The following PXDNL variants were observed in gnomAD, a reference collection of about 807,000 sequenced individuals.
PXDNL encodes the protein probable oxidoreductase PXDNL.
Under a neutral mutation model 150.8 loss-of-function variants are expected in PXDNL, and 145 were observed. That is an observed-to-expected ratio of 0.96 (90% CI 0.84 to 1.10). The LOEUF is 1.10. Among genes scored for constraint, PXDNL ranks in the 50% least tolerant of loss-of-function variants. The probability of loss-of-function intolerance (pLI) is 0.00; values close to 1 mark genes in which losing one functional copy is unlikely to be tolerated. For missense variants in PXDNL, 2,087 were observed against 1,873.9 expected (o/e 1.11, Z -2.10); for synonymous variants, 757 against 725.7 (o/e 1.04, Z -0.69).
intron 1 of PXDNL, among the ~76,000 whole-genome samples, chr8:51,757,364 G>A (rs1403339508): frequency 6.6e-6 from 1 of 152,210 alleles, no homozygotes; most frequent in Non-Finnish European, 1.5e-5. Flanking sequence ...TAAGACAGCA[G>A]GCTCCGCAGT....
intron 1 of PXDNL, among the ~76,000 whole-genome samples, chr8:51,779,237 G>A (rs886898474): frequency 2.0e-5 from 3 of 152,146 alleles, no homozygotes; most frequent in Non-Finnish European, 4.4e-5. Flanking sequence ...CCTCCCCTAT[G>A]CACCTCATCA....
intron 9 of PXDNL, among the ~76,000 whole-genome samples, chr8:51,454,909 G>A (rs1809893222): frequency 6.6e-6 from 1 of 152,076 alleles, no homozygotes; most frequent in African/African-American, 2.4e-5. Flanking sequence ...TTGTCTCAGA[G>A]TTAGGTGTAA....
At chr8:51,340,381 GTTCT>G (rs1805951929) in intron 20 of PXDNL, among the ~76,000 whole-genome samples, 4 of 152,076 alleles carry the variant, frequency 2.6e-5, no homozygotes, top group Admixed American at 2.6e-4. Flanking sequence ...AGAAATGAAA[GTTCT>G]TTCTATTTAC....
intron 17 of PXDNL, among the ~76,000 whole-genome samples, chr8:51,382,320 C>T (rs907887607): frequency 7.2e-5 from 11 of 152,102 alleles, no homozygotes; most frequent in Admixed American, 5.9e-4. Context: ...GGAAGCGTGG[C>T]CCTGCTGACA....
intron 2 of PXDNL, among the ~76,000 whole-genome samples, chr8:51,594,810 T>C (rs1813526434): frequency 6.6e-6 from 1 of 151,994 alleles, no homozygotes; most frequent in African/African-American, 2.4e-5. Flanking sequence ...TAAGTGGTTA[T>C]AGAAACGGTC....
intron 1 of PXDNL, among the ~76,000 whole-genome samples, chr8:51,737,873 C>G (rs960769103): frequency 6.6e-6 from 1 of 152,100 alleles, no homozygotes; most frequent in African/African-American, 2.4e-5. Flanking sequence ...TCACTGAATA[C>G]CTGTCCCTGT....
chr8:51,549,025 G>GCT (rs1812423473), intron 4 of PXDNL, among the ~76,000 whole-genome samples: 1 of 152,132 alleles, frequency 6.6e-6, no homozygotes, highest in African/African-American at 2.4e-5. Context: ...AGCAGGAATA[G>GCT]CTATTCTTAC....
intron 21 of PXDNL, among the ~76,000 whole-genome samples, chr8:51,335,656 C>T (rs1466290040): frequency 6.7e-6 from 1 of 149,222 alleles, no homozygotes; most frequent in Non-Finnish European, 1.5e-5. Context: ...ATTCTTATAT[C>T]TCATCTCATT....
chr8:51,494,617 A>G (rs1052824715), intron 5 of PXDNL, among the ~76,000 whole-genome samples: 1 of 152,088 alleles, frequency 6.6e-6, no homozygotes, highest in Non-Finnish European at 1.5e-5. Flanking sequence ...AACAAAAGGC[A>G]GGGGTTGCAA....
In PXDNL at chr8:51,556,874, G is replaced by T. The variant is rs1190238954; in HGVS notation, c.346C>A (p.Gln116Lys). ...AAAGATATGAGTCCTTTAAATGTTT[G>T]CTTATCTAGTGCATGGATTTCATTC... Reference protein sequence around the residue: ...YKNEIHALDKQTFKGLISLEH... With the variant: ...YKNEIHALDKKTFKGLISLEH... The change falls in exon 4 of 23, where the codon CAA (glutamine) becomes AAA (lysine). Residue 116 changes from glutamine to lysine, a missense_variant. Physicochemically the swap from Gln to Lys is moderately conservative, Grantham distance 53 (BLOSUM62 1). Coordinates refer to ENST00000356297, the MANE Select transcript of PXDNL (RefSeq NM_144651.5). The T allele has an allele frequency of 6.3e-7, 1 of 1,584,492 alleles. No homozygotes were observed. Among genetic ancestry groups the T allele is most frequent in the Non-Finnish European group, 8.7e-7 (1 of 1,154,010 alleles).
chr8:51,566,809 T>C (rs1812839111), intron 3 of PXDNL, among the ~76,000 whole-genome samples: 1 of 151,512 alleles, frequency 6.6e-6, no homozygotes, highest in Non-Finnish European at 1.5e-5. Context: ...ATTTTGTAAT[T>C]ATCCATTTCT....
chr8:51,636,657 T>C (rs1814608740), intron 2 of PXDNL, among the ~76,000 whole-genome samples: 1 of 152,152 alleles, frequency 6.6e-6, no homozygotes, highest in African/African-American at 2.4e-5. Flanking sequence ...CATTAAAAAC[T>C]ACAAACATTG....
At chr8:51,619,061 C>G (rs1814185327) in intron 2 of PXDNL, among the ~76,000 whole-genome samples, 1 of 152,152 alleles carries the variant, frequency 6.6e-6, no homozygotes, top group African/African-American at 2.4e-5. Context: ...AGCCTCCAAA[C>G]TAGCCTCAGA....
At chr8:51,341,758 T>C (rs1038863798) in intron 20 of PXDNL, among the ~76,000 whole-genome samples, 2 of 152,216 alleles carry the variant, frequency 1.3e-5, no homozygotes, top group Admixed American at 1.3e-4. Context: ...TAATGTCCTC[T>C]AGAACTACAA....
intron 14 of PXDNL, among the ~76,000 whole-genome samples, chr8:51,420,551 C>A (rs1808921678): frequency 6.6e-6 from 1 of 152,062 alleles, no homozygotes; most frequent in Non-Finnish European, 1.5e-5. Context: ...AAAAGTTTTT[C>A]TTTGTGGAAT....
intron 17 of PXDNL, among the ~76,000 whole-genome samples, chr8:51,376,940 G>T (rs1586048974): frequency 6.6e-6 from 1 of 152,134 alleles, no homozygotes; most frequent in South Asian, 2.1e-4. Context: ...GGATGGTCTC[G>T]ATCTCCTGAC....
At chr8:51,695,356 T>G (rs7011666) in intron 1 of PXDNL, among the ~76,000 whole-genome samples, 115,264 of 152,026 alleles carry the variant, frequency 0.76, 43,763 homozygotes, top group East Asian at 0.82. Flanking sequence ...GAATGAACTG[T>G]TATCACCTAT....
At chr8:51,338,260 G>A (rs1004049930) in intron 21 of PXDNL, among the ~76,000 whole-genome samples, 7 of 151,964 alleles carry the variant, frequency 4.6e-5, no homozygotes, top group Middle Eastern at 3.4e-3. Flanking sequence ...CTGGTCAAGT[G>A]AAGGCACTGA....
chr8:51,655,654 A>G (rs1307003898), intron 1 of PXDNL, among the ~76,000 whole-genome samples: 1 of 152,176 alleles, frequency 6.6e-6, no homozygotes, highest in East Asian at 1.9e-4. Flanking sequence ...TGGGGGCAGC[A>G]TCTCCACGGG....
Sources: allele counts gnomAD v4.1 joint callset (sites outside exome capture counted in the v4.1 genomes callset), GRCh38; gene constraint gnomAD v4.1.1; transcripts MANE v1.5; gene names NCBI Gene and HGNC (gene_info 2026-07-23, HGNC 2026-07-21).